The following KCNK2 variants were observed in gnomAD, a reference collection of about 807,000 sequenced individuals.
KCNK2 encodes the protein potassium two pore domain channel subfamily K member 2, also known as potassium channel subfamily K member 2.
Under a neutral mutation model 40.5 loss-of-function variants are expected in KCNK2, and 21 were observed. The observed-to-expected ratio is 0.52, with a 90% confidence interval of 0.37 to 0.75. The LOEUF is 0.75. KCNK2 is among the 30% of genes least tolerant of loss of function. The pLI, the probability that KCNK2 is intolerant of heterozygous loss-of-function variation, is 0.00. For synonymous variants in KCNK2, 191 were observed against 202.2 expected, an observed-to-expected ratio of 0.94 and a Z score of 0.47; for missense variants, 399 against 531.6, an observed-to-expected ratio of 0.75 and a Z score of 2.45.
intron 6 of KCNK2, among the ~76,000 whole-genome samples, chr1:215,202,326 G>A (rs1665114411): frequency 6.6e-6 from 1 of 152,134 alleles, no homozygotes; most frequent in East Asian, 1.9e-4. Context: ...GGTCAATGTT[G>A]GCTCTGCCTA....
chr1:215,093,446 TAA>T (rs1491130255), intron 2 of KCNK2, among the ~76,000 whole-genome samples: 1 of 125,670 alleles, frequency 8.0e-6, no homozygotes, highest in Non-Finnish European at 1.6e-5. Context: ...AATATACATA[TAA>T]TATATATAAT....
intron 1 of KCNK2, among the ~76,000 whole-genome samples, chr1:215,007,059 ATGTG>A (rs71816711): frequency 1.0e-5 from 1 of 98,806 alleles, no homozygotes; most frequent in African/African-American, 4.1e-5. Context: ...GTATATATAT[ATGTG>A]TGTGTGTGTA....
intron 1 of KCNK2, among the ~76,000 whole-genome samples, chr1:215,054,407 C>A (rs1469677582): frequency 6.6e-6 from 1 of 152,184 alleles, no homozygotes; most frequent in Non-Finnish European, 1.5e-5. Flanking sequence ...TCTTCAGGAC[C>A]ATCCCTGCAC....
chr1:215,045,595 T>A (rs1241156240), intron 1 of KCNK2, among the ~76,000 whole-genome samples: 1 of 152,232 alleles, frequency 6.6e-6, no homozygotes, highest in Non-Finnish European at 1.5e-5. Context: ...AATATCCATA[T>A]AACCCTTGTT....
chr1:215,173,711 T>G (rs1215977662), intron 5 of KCNK2, among the ~76,000 whole-genome samples: 1 of 152,244 alleles, frequency 6.6e-6, no homozygotes, highest in Non-Finnish European at 1.5e-5. Context: ...TGCATTTCTC[T>G]GATGGCCAGT....
At chr1:215,164,928 T>C (rs565441815) in intron 3 of KCNK2, among the ~76,000 whole-genome samples, 15 of 152,290 alleles carry the variant, frequency 9.8e-5, no homozygotes, top group African/African-American at 3.6e-4. Context: ...AGATGCTTAA[T>C]AAAAAATTTT....
Position 215,007,179 on chromosome 1 carries a change from G to GTATATGTATA in KCNK2, c.34+1225_34+1226insATATGTATAT, listed in dbSNP as rs1326276235. Among the ~76,000 whole-genome samples, 3 of 68,128 alleles carry GTATATGTATA rather than the reference G, an allele frequency of 4.4e-5. No individual in the cohort carries two copies. In the South Asian group the frequency reaches 1.6e-3, roughly 36 times the overall value. 44.7% of individuals were successfully genotyped at this position (68,128 alleles called of 152,430 possible). ...TATGTATGTATATATATATGTATGT[G>GTATATGTATA]TGTGGGTATATATATATATATATAT... On this transcript the variant is annotated intron_variant, in intron 1 of 6. Transcript: ENST00000391895.
In KCNK2 at chr1:215,083,210, T is replaced by TCCCCCCCCCCCCCCC; in HGVS notation, c.-173_-172insCCCCCCCCCCCCCCC. ...TTCTCACGCTCCCCCCCCCGCCCCC[T>TCCCCCCCCCCCCCCC]CCCGCGTCCAGCCCCGCTCTCCCCA... is the stretch of plus-strand genomic sequence containing the variant. On this transcript the variant is annotated 5_prime_UTR_variant, in exon 1 of 7. Transcript: ENST00000444842. The TCCCCCCCCCCCCCCC allele has an allele frequency of 7.7e-6, 3 of 391,896 alleles. No individual in the cohort carries two copies. Among genetic ancestry groups the TCCCCCCCCCCCCCCC allele is most frequent in the South Asian group, 3.1e-5 (1 of 31,870 alleles). 24.3% of individuals were successfully genotyped at this position (391,896 alleles called of 1,614,324 possible). A position where few individuals can be genotyped will look rare whatever the true frequency, so the allele number is the denominator to read the frequency against.
intron 1 of KCNK2, among the ~76,000 whole-genome samples, chr1:215,066,770 A>G (rs1658562569): frequency 2.0e-5 from 3 of 152,250 alleles, no homozygotes; most frequent in African/African-American, 7.2e-5. Flanking sequence ...TTATAACTTC[A>G]GGCCAGGTAG....
At position 215,169,238 on chromosome 1, in the gene KCNK2, T is replaced by C; in HGVS notation, c.515T>C (p.Ile172Thr). 1 of 1,611,394 alleles carries C rather than the reference T, an allele frequency of 6.2e-7. No individual in the cohort carries two copies. The highest frequency in any genetic ancestry group is 8.5e-7 in the Non-Finnish European group (1 of 1,178,906). ...NISPRTEGGK[I>T]FCIIYALLGI... Reference sequence around the variant, plus strand: ...TCACCACGCACAGAAGGCGGCAAAATATTCTGTATCATCTATGCCTTACTG... The same window carrying C: ...TCACCACGCACAGAAGGCGGCAAAACATTCTGTATCATCTATGCCTTACTG... The change falls in exon 4 of 7, where the codon ATA becomes ACA. Residue 172 changes from isoleucine to threonine, a missense_variant. Transcript: ENST00000444842.
At chr1:215,032,517 C>T (rs983060157) in intron 1 of KCNK2, among the ~76,000 whole-genome samples, 4 of 151,994 alleles carry the variant, frequency 2.6e-5, no homozygotes, top group Non-Finnish European at 5.9e-5. Context: ...GTTTCTGATC[C>T]ATATCATTTC....
intron 1 of KCNK2, among the ~76,000 whole-genome samples, chr1:215,018,795 GA>G (rs990200043): frequency 6.6e-6 from 1 of 152,084 alleles, no homozygotes; most frequent in Admixed American, 6.6e-5. Flanking sequence ...GAACTTCTTG[GA>G]AAGTTTCCTG....
intron 5 of KCNK2, among the ~76,000 whole-genome samples, chr1:215,179,553 A>G (rs1664140194): frequency 6.6e-6 from 1 of 151,670 alleles, no homozygotes; most frequent in Non-Finnish European, 1.5e-5. Context: ...TATATTGTAT[A>G]TTGTGTTTCT....
At chr1:215,223,889 A>T (rs1460828982) in intron 6 of KCNK2, among the ~76,000 whole-genome samples, 1 of 152,200 alleles carries the variant, frequency 6.6e-6, no homozygotes, top group Non-Finnish European at 1.5e-5. Context: ...GTAAAAAAAA[A>T]ACTGAAGCAG....
chr1:215,211,194 C>T (rs972868247), intron 6 of KCNK2, among the ~76,000 whole-genome samples: 1 of 152,076 alleles, frequency 6.6e-6, no homozygotes, highest in African/African-American at 2.4e-5. Flanking sequence ...ATTCCTCCAG[C>T]CTTTTCTCTT....
chr1:215,144,817 T>C (rs1662342599), intron 3 of KCNK2, among the ~76,000 whole-genome samples: 1 of 152,144 alleles, frequency 6.6e-6, no homozygotes, highest in African/African-American at 2.4e-5. Context: ...GTGAGGGATG[T>C]CAAAGTTAAC....
chr1:215,194,850 CTA>C, intron 5 of KCNK2, 101 bp from the exon 6 acceptor site: 1 of 908,656 alleles, frequency 1.1e-6, no homozygotes, highest in Non-Finnish European at 1.7e-6. Context: ...TACTAGATTT[CTA>C]TGTTTTGCAA....
chr1:215,059,102 T>TAC (rs1042103279), intron 1 of KCNK2, among the ~76,000 whole-genome samples: 1 of 148,142 alleles, frequency 6.8e-6, no homozygotes, highest in Non-Finnish European at 1.5e-5. Flanking sequence ...TGTATATATA[T>TAC]ACACACACAT....
At chr1:215,045,396 A>G (rs996094945) in intron 1 of KCNK2, among the ~76,000 whole-genome samples, 1 of 152,162 alleles carries the variant, frequency 6.6e-6, no homozygotes, top group Non-Finnish European at 1.5e-5. Flanking sequence ...ATGTCCCTGT[A>G]TGAGCTGCTG....
Sources: allele counts gnomAD v4.1 joint callset (sites outside exome capture counted in the v4.1 genomes callset), GRCh38; gene constraint gnomAD v4.1.1; transcripts MANE v1.5; gene names NCBI Gene and HGNC (gene_info 2026-07-23, HGNC 2026-07-21).